The following VAV3 variants were observed in gnomAD, a reference collection of about 807,000 sequenced individuals.
The protein encoded by VAV3 is guanine nucleotide exchange factor VAV3.
Under a neutral mutation model 131.2 loss-of-function variants are expected in VAV3, and 94 were observed. The observed-to-expected ratio is 0.72, with a 90% CI of 0.61 to 0.85. VAV3 has a LOEUF of 0.85. Ranked by LOEUF, VAV3 falls within the 40% of genes least tolerant of loss-of-function variation. VAV3 has a pLI of 0.00. For synonymous variants in VAV3, 349 were observed against 342.0 expected (o/e 1.02, Z -0.22); for missense variants, 939 against 1,002.7 (o/e 0.94, Z 0.86).
intron 19 of VAV3, among the ~76,000 whole-genome samples, chr1:107,654,307 C>G (rs768785021): frequency 6.6e-6 from 1 of 152,066 alleles, no homozygotes; most frequent in Admixed American, 6.6e-5. Context: ...TTATAGACAA[C>G]AGTAAATCCT....
intron 4 of VAV3, among the ~76,000 whole-genome samples, chr1:107,775,241 G>T (rs1024009662): frequency 3.9e-5 from 6 of 152,052 alleles, no homozygotes; most frequent in Non-Finnish European, 8.8e-5. Context: ...ACAAAATGGG[G>T]AAGCTATAAA....
chr1:107,734,109 T>A (rs1401466910), intron 15 of VAV3, among the ~76,000 whole-genome samples: 2 of 152,180 alleles, frequency 1.3e-5, no homozygotes, highest in Non-Finnish European at 2.9e-5. Context: ...CCAGCCAAAC[T>A]AAGCTTCCTA....
At chr1:107,645,271 C>T (rs575503727) in intron 19 of VAV3, among the ~76,000 whole-genome samples, 1 of 151,688 alleles carries the variant, frequency 6.6e-6, no homozygotes, top group South Asian at 2.1e-4. Flanking sequence ...TTCTTCAACT[C>T]ATATGGTTTT....
chr1:107,604,772 T>C (rs1290372767), intron 22 of VAV3, among the ~76,000 whole-genome samples: 1 of 152,210 alleles, frequency 6.6e-6, no homozygotes, highest in East Asian at 1.9e-4. Flanking sequence ...ATCAAAGCTA[T>C]GCATTAATAT....
At chr1:107,870,764 A>G (rs1202714076) in intron 2 of VAV3, among the ~76,000 whole-genome samples, 1 of 152,168 alleles carries the variant, frequency 6.6e-6, no homozygotes, top group Non-Finnish European at 1.5e-5. Flanking sequence ...GAACCTGAAC[A>G]TGATGAAACT....
intron 1 of VAV3, among the ~76,000 whole-genome samples, chr1:107,905,500 C>G (rs1231966546): frequency 6.6e-6 from 1 of 152,042 alleles, no homozygotes; most frequent in Non-Finnish European, 1.5e-5. Context: ...GGTAACTGTT[C>G]ATGGAAGCCA....
In VAV3 at chr1:107,704,617, C is replaced by T. The variant is rs1660333723; in HGVS notation, c.1638G>A (p.Lys546=). The part of the protein sequence containing the change: ...GTFYQGYLCF[K]CGARAHKECL... ...ATTCTTTGTGTGCTCTCGCTCCACA[C>T]TTAAAACATAAATAGCCTTGATAAA... is the stretch of plus-strand genomic sequence containing the variant. Residue 546 remains lysine, a synonymous_variant, in exon 17 of 27, where the codon AAG becomes AAA. Coordinates refer to ENST00000370056, the MANE Select transcript of VAV3 (RefSeq NM_006113.5). 6.2e-7 allele frequency: 1 copy of T among 1,613,742 alleles called. No individual in the cohort carries two copies. The highest frequency in any genetic ancestry group is 1.3e-5 in the African/African-American group (1 of 74,926).
chr1:107,766,400 C>G (rs1348372393), intron 8 of VAV3, 47 bp downstream of exon 8: 3 of 1,285,730 alleles, frequency 2.3e-6, no homozygotes, highest in Non-Finnish European at 1.1e-6. Context: ...CTAATCCTCA[C>G]TATAATTACA....
intron 2 of VAV3, among the ~76,000 whole-genome samples, chr1:107,800,872 G>A (rs1666797908): frequency 6.6e-6 from 1 of 152,016 alleles, no homozygotes; most frequent in East Asian, 1.9e-4. Context: ...GTGCTTTTGA[G>A]ATCTTACACA....
chr1:107,699,893 A>G (rs1659992473), intron 17 of VAV3, among the ~76,000 whole-genome samples: 1 of 152,178 alleles, frequency 6.6e-6, no homozygotes. Flanking sequence ...GAGAGGAAAC[A>G]TCACATATAA....
intron 20 of VAV3, among the ~76,000 whole-genome samples, chr1:107,618,238 A>G (rs1653315629): frequency 6.6e-6 from 1 of 152,210 alleles, no homozygotes; most frequent in Non-Finnish European, 1.5e-5. Context: ...CGATAGAGAG[A>G]TAACAGCAGT....
chr1:107,931,659 T>C (rs1673443353), intron 1 of VAV3, among the ~76,000 whole-genome samples: 1 of 152,238 alleles, frequency 6.6e-6, no homozygotes, highest in African/African-American at 2.4e-5. Flanking sequence ...TAAAGAATTG[T>C]AGTCAAATTA....
At chr1:107,952,686 T>C (rs1166252096) in intron 1 of VAV3, among the ~76,000 whole-genome samples, 1 of 151,782 alleles carries the variant, frequency 6.6e-6, no homozygotes, top group Non-Finnish European at 1.5e-5. Flanking sequence ...TCCCTTCCCA[T>C]CCACTGTTTT....
At chr1:107,825,611 G>GCATAATTAT (rs1667976923) in intron 2 of VAV3, among the ~76,000 whole-genome samples, 1 of 152,042 alleles carries the variant, frequency 6.6e-6, no homozygotes, top group Non-Finnish European at 1.5e-5. Context: ...CTGTCAAACT[G>GCATAATTAT]GTCTACTCCC....
intron 22 of VAV3, among the ~76,000 whole-genome samples, chr1:107,608,803 C>A (rs1280043698): frequency 6.6e-6 from 1 of 152,150 alleles, no homozygotes; most frequent in Non-Finnish European, 1.5e-5. Context: ...TCAGATAACT[C>A]ACATGGTAAC....
chr1:107,653,531 A>T (rs929579656), intron 19 of VAV3, among the ~76,000 whole-genome samples: 1 of 152,106 alleles, frequency 6.6e-6, no homozygotes, highest in Non-Finnish European at 1.5e-5. Flanking sequence ...TCTAACAGGT[A>T]ACTCTAAGGT....
At chr1:107,644,899 G>A (rs1570674097) in intron 19 of VAV3, among the ~76,000 whole-genome samples, 1 of 148,938 alleles carries the variant, frequency 6.7e-6, no homozygotes, top group Non-Finnish European at 1.5e-5. Context: ...CATTACAAAG[G>A]GTACATACTA....
intron 1 of VAV3, among the ~76,000 whole-genome samples, chr1:107,937,819 C>CT (rs1267083155): frequency 2.0e-5 from 3 of 152,176 alleles, no homozygotes; most frequent in African/African-American, 7.2e-5. Flanking sequence ...TATCTATACA[C>CT]TATAGGTAGG....
In VAV3 at chr1:107,705,063, T is replaced by TA. The variant is rs746556533; in HGVS notation, c.1503-3dup. 2.8e-5 allele frequency: 44 copies of TA among 1,597,572 alleles called. No individual in the cohort carries two copies. In the South Asian group the frequency reaches 4.4e-4, roughly 16 times the overall value. On this transcript the variant is annotated splice_polypyrimidine_tract_variant and splice_region_variant and intron_variant, in intron 15 of 26. Coordinates refer to ENST00000370056, the MANE Select transcript of VAV3 (RefSeq NM_006113.5). ...GCATAGTCTGGTCTTATGTTAGACC[T>TA]AAAAAAAGGAAAAAAATAACTTTCT...
Sources: allele counts gnomAD v4.1 joint callset (sites outside exome capture counted in the v4.1 genomes callset), GRCh38; gene constraint gnomAD v4.1.1; transcripts MANE v1.5; gene names NCBI Gene and HGNC (gene_info 2026-07-23, HGNC 2026-07-21).